Variants in MRS2 observed in about 807,000 individuals in gnomAD.
MRS2 encodes the protein magnesium transporter MRS2 homolog, mitochondrial.
In MRS2, 40 loss-of-function variants were observed where a neutral mutation model predicts 52.6. That is an observed-to-expected ratio of 0.76 (90% confidence interval 0.59 to 0.99). MRS2 has a LOEUF of 0.99. MRS2 is among the 50% of genes least tolerant of loss of function. The probability of loss-of-function intolerance (pLI) is 0.00; values close to 1 mark genes in which losing one functional copy is unlikely to be tolerated. For missense variants in MRS2, 472 were observed against 532.7 expected (o/e 0.89, Z 1.12); for synonymous variants, 193 against 195.9 (o/e 0.98, Z 0.13).
chr6:24,409,808 CTG>C (rs1030486903), intron 4 of MRS2, among the ~76,000 whole-genome samples: 2 of 152,184 alleles, frequency 1.3e-5, no homozygotes, highest in Admixed American at 1.3e-4. Flanking sequence ...AAAGCTCTGA[CTG>C]TGGTGTTCAT....
intron 10 of MRS2, 180 bp downstream of exon 10, chr6:24,423,230 G>T: frequency 1.8e-6 from 1 of 564,922 alleles, no homozygotes. Context: ...TAGGGTTATG[G>T]GAAGAATTAA....
intron 4 of MRS2, chr6:24,410,912 G>A: frequency 3.5e-6 from 2 of 568,748 alleles, no homozygotes; most frequent in Non-Finnish European, 6.1e-6. Flanking sequence ...ATGAGGCTAG[G>A]TTGTGGTGGC....
At chr6:24,415,641 C>G (rs1761823440) in intron 6 of MRS2, among the ~76,000 whole-genome samples, 2 of 152,162 alleles carry the variant, frequency 1.3e-5, no homozygotes, top group African/African-American at 4.8e-5. Flanking sequence ...TCAGTAGTTT[C>G]TTATCCAAAA....
chr6:24,405,619 G>A (rs193035315), intron 2 of MRS2, among the ~76,000 whole-genome samples: 18 of 151,890 alleles, frequency 1.2e-4, no homozygotes, highest in African/African-American at 3.6e-4. Flanking sequence ...GAAATGGTTC[G>A]GGGGTGGGGA....
chr6:24,415,343 G>A (rs1393490897), intron 6 of MRS2, among the ~76,000 whole-genome samples, 180 bp downstream of exon 6: 2 of 152,104 alleles, frequency 1.3e-5, no homozygotes, highest in Non-Finnish European at 2.9e-5. Context: ...TGTCATGTAA[G>A]GCTCTTTTCC....
chr6:24,418,404 A>C, intron 8 of MRS2, 57 bp from the exon 9 acceptor site: 2 of 1,603,904 alleles, frequency 1.2e-6, no homozygotes, highest in Non-Finnish European at 1.7e-6. Context: ...GATTTGATGA[A>C]TGTGCTGTAT....
chr6:24,423,518 A>G, intron 10 of MRS2, 66 bp from the exon 11 acceptor site: 2 of 842,018 alleles, frequency 2.4e-6, no homozygotes, highest in Non-Finnish European at 3.8e-6. Context: ...GTTACATAAT[A>G]CATCATTTTA....
At chr6:24,423,296 T>C (rs1762116885) in intron 10 of MRS2, 5 of 479,984 alleles carry the variant, frequency 1.0e-5, no homozygotes, top group Admixed American at 3.6e-5. Flanking sequence ...GTTAGAAATA[T>C]AATTTGTGTA....
In MRS2 at chr6:24,425,039, CT is replaced by C. The variant is rs1204683069; in HGVS notation, c.*1346del. 6.6e-6 allele frequency: 1 copy of C among 152,250 alleles called. No homozygotes were observed. Among genetic ancestry groups the C allele is most frequent in the Non-Finnish European group, 1.5e-5 (1 of 68,056 alleles). 9.4% of individuals were successfully genotyped at this position (152,250 alleles called of 1,614,324 possible). Reference sequence around the variant, plus strand: ...GCTAGACTCGAGCACGCAGTGGCCCCTGTGCCACCACACTGTGGGTCAGGAA... The same window carrying C: ...GCTAGACTCGAGCACGCAGTGGCCCCGTGCCACCACACTGTGGGTCAGGAA... On this transcript the variant is annotated 3_prime_UTR_variant, in exon 11 of 11. Transcript: ENST00000378386.
At chr6:24,421,811 TATCTC>T (rs1274269484) in intron 9 of MRS2, among the ~76,000 whole-genome samples, 1 of 152,234 alleles carries the variant, frequency 6.6e-6, no homozygotes, top group African/African-American at 2.4e-5. Context: ...TTTTGCCACT[TATCTC>T]AGTAGTGCTT....
Position 24,402,970 on chromosome 6 carries a change from A to G in MRS2, c.-77A>G. 1.4e-6 allele frequency: 2 copies of G among 1,389,340 alleles called. No individual in the cohort carries two copies. The highest frequency in any genetic ancestry group is 1.4e-5 in the South Asian group (1 of 71,380). The allele number at this position is 1,389,340 out of a possible 1,614,324, so 86.1% of individuals were successfully genotyped here. A position where few individuals can be genotyped will look rare whatever the true frequency, so the allele number is the denominator to read the frequency against. ...GCAGGTCGGGCGGTAGCGACAGGTC[A>G]GAGCTGCGGCCTGAGCAGCCAGCGT... On this transcript the variant is annotated 5_prime_UTR_variant, in exon 1 of 11. Coordinates refer to ENST00000378386, the MANE Select transcript of MRS2 (RefSeq NM_020662.4).
At chr6:24,423,141 A>G in intron 10 of MRS2, 91 bp downstream of exon 10, 1 of 987,680 alleles carries the variant, frequency 1.0e-6, no homozygotes, top group Non-Finnish European at 1.5e-6. Flanking sequence ...TGTCACAGGC[A>G]CTATGGCCCT....
rs35261004 is a variant in MRS2 at position 24,423,596 on chromosome 6, C to T, written c.1234C>T (p.Pro412Ser). Reference protein sequence around the residue: ...APLPPMMASLPKKTLLADRSM... With the variant: ...APLPPMMASLSKKTLLADRSM... ...CTGCTTTATTTAGATGGCTTCTTTA[C>T]CTAAAAAGACTCTTCTGGCAGATAG... The change falls in exon 11 of 11, where the codon CCT (proline) becomes TCT (serine). Residue 412 changes from proline to serine, a missense_variant. Physicochemically the swap from Pro to Ser is moderately conservative, Grantham distance 74. Transcript: ENST00000378386. 0.014 allele frequency: 22,583 copies of T among 1,596,052 alleles called. 237 individuals are homozygous for T. The highest frequency in any genetic ancestry group is 0.02 in the Middle Eastern group (122 of 5,998).
At chr6:24,417,303 G>GGT (rs1307677922) in intron 7 of MRS2, among the ~76,000 whole-genome samples, 2 of 152,082 alleles carry the variant, frequency 1.3e-5, no homozygotes, top group African/African-American at 4.8e-5. Context: ...TACCCTTCTT[G>GGT]GTAGGGTAGG....
At position 24,424,083 on chromosome 6, in the gene MRS2, A is replaced by C. The variant is rs1027258692; in HGVS notation, c.*389A>C. 2 of 153,610 alleles carry C rather than the reference A, an allele frequency of 1.3e-5. No homozygotes were observed. Among genetic ancestry groups the C allele is most frequent in the South Asian group, 2.0e-4 (1 of 4,938 alleles). 9.5% of individuals were successfully genotyped at this position (153,610 alleles called of 1,614,324 possible). ...GCTATAGTTCTTTGTCAGTATAGGG[A>C]ATTATGTTCATGTGAATTTCCTGAT... On this transcript the variant is annotated 3_prime_UTR_variant, in exon 11 of 11. Coordinates refer to ENST00000378386, the MANE Select transcript of MRS2 (RefSeq NM_020662.4).
At chr6:24,403,324 G>C in intron 1 of MRS2, 88 bp downstream of exon 1, 2 of 1,313,004 alleles carry the variant, frequency 1.5e-6, no homozygotes, top group South Asian at 3.1e-5. Flanking sequence ...CGGCGCGCCT[G>C]TTGCTCCGCG....
At chr6:24,403,369 G>T in intron 1 of MRS2, 133 bp downstream of exon 1, 1 of 881,564 alleles carries the variant, frequency 1.1e-6, no homozygotes, top group Non-Finnish European at 1.6e-6. Flanking sequence ...CGTGTCCTGT[G>T]AGCTTGCACA....
rs1221827105 is a variant in MRS2 at position 24,424,842 on chromosome 6, A to C, written c.*1148A>C. The C allele has an allele frequency of 6.6e-6, 1 of 152,230 alleles. No individual in the cohort carries two copies. Among genetic ancestry groups the C allele is most frequent in the African/African-American group, 2.4e-5 (1 of 41,462 alleles). The allele number at this position is 152,230 out of a possible 1,614,324, so 9.4% of individuals were successfully genotyped here. On this transcript the variant is annotated 3_prime_UTR_variant, in exon 11 of 11. Transcript: ENST00000378386. ...AGCCTAATGTGATGTCATATGAGGAAGTTTAGGAGTCCATTTTTCAGGTGG... is the reference window on the plus strand; with the variant it reads ...AGCCTAATGTGATGTCATATGAGGACGTTTAGGAGTCCATTTTTCAGGTGG...
In MRS2 at chr6:24,418,688, C is replaced by T. The variant is rs1761941822; in HGVS notation, c.1107+110C>T. 6 of 815,960 alleles carry T rather than the reference C, an allele frequency of 7.4e-6. No homozygotes were observed. The South Asian group carries it at 7.8e-5, about 11-fold the overall frequency. The allele number at this position is 815,960 out of a possible 1,614,324, so 50.5% of individuals were successfully genotyped here. A position where few individuals can be genotyped will look rare whatever the true frequency, so the allele number is the denominator to read the frequency against. ...CTGAGGCAGGTGGATCACCTGAGGT[C>T]AGGAGTTTGAGACCAACCTGGCCAA... On this transcript the variant is annotated intron_variant, in intron 9 of 10. Transcript: ENST00000378386.
Sources: allele counts gnomAD v4.1 joint callset (sites outside exome capture counted in the v4.1 genomes callset), GRCh38; gene constraint gnomAD v4.1.1; transcripts MANE v1.5; gene names NCBI Gene and HGNC (gene_info 2026-07-23, HGNC 2026-07-21).